The following MALRD1 variants were observed in gnomAD, a reference collection of about 807,000 sequenced individuals.
MALRD1 encodes MAM and LDL receptor class A domain containing 1.
A neutral mutation model predicts 242.1 loss-of-function variants in MALRD1; 247 were observed. That is an observed-to-expected ratio of 1.02 (90% CI 0.92 to 1.13). MALRD1 has a LOEUF of 1.13. Ranked by LOEUF, MALRD1 falls within the 50% of genes most tolerant of loss-of-function variation. The pLI, the probability that MALRD1 is intolerant of heterozygous loss-of-function variation, is 0.00. For missense variants in MALRD1, 2,989 were observed against 2,533.1 expected (o/e 1.18, Z -3.86); for synonymous variants, 995 against 866.6 (o/e 1.15, Z -2.60).
At chr10:19,185,870 T>A (rs185460326) in intron 14 of MALRD1, among the ~76,000 whole-genome samples, 2 of 151,742 alleles carry the variant, frequency 1.3e-5, no homozygotes, top group African/African-American at 4.8e-5. Context: ...GACTACTTTT[T>A]TCAGTGTATT....
intron 31 of MALRD1, among the ~76,000 whole-genome samples, chr10:19,520,705 AT>A (rs141655257): frequency 0.2 from 30,424 of 151,768 alleles, 4,606 homozygotes; most frequent in African/African-American, 0.43. Context: ...TGTTTCTTTT[AT>A]TTTTTTTCTG....
chr10:19,319,698 G>A (rs182499630), intron 21 of MALRD1, among the ~76,000 whole-genome samples: 3 of 152,094 alleles, frequency 2.0e-5, no homozygotes, highest in East Asian at 1.9e-4. Flanking sequence ...GTTTCCTCAC[G>A]CGGTAGAAGG....
chr10:19,658,007 A>T (rs1351860683), intron 36 of MALRD1, among the ~76,000 whole-genome samples: 1 of 151,822 alleles, frequency 6.6e-6, no homozygotes, highest in Non-Finnish European at 1.5e-5. Context: ...AATTAGCCAG[A>T]CATGGTGGTG....
intron 10 of MALRD1, among the ~76,000 whole-genome samples, chr10:19,141,577 A>G (rs1833543841): frequency 6.6e-6 from 1 of 152,018 alleles, no homozygotes; most frequent in East Asian, 1.9e-4. Flanking sequence ...ATTTGTATTT[A>G]TATATACAAT....
At chr10:19,615,960 T>A in intron 36 of MALRD1, 37 bp downstream of exon 36, 1 of 1,463,388 alleles carries the variant, frequency 6.8e-7, no homozygotes. Flanking sequence ...TTTAAGATTT[T>A]TTGGAGTTGG....
intron 28 of MALRD1, among the ~76,000 whole-genome samples, chr10:19,405,157 T>C (rs1847035325): frequency 6.6e-6 from 1 of 152,152 alleles, no homozygotes; most frequent in Non-Finnish European, 1.5e-5. Context: ...TATTTCTTAA[T>C]TTGGTAAGAA....
intron 21 of MALRD1, among the ~76,000 whole-genome samples, chr10:19,311,149 G>A (rs1588891471): frequency 6.6e-6 from 1 of 151,388 alleles, no homozygotes; most frequent in Non-Finnish European, 1.5e-5. Context: ...GATAAAATTA[G>A]TTCTCTTTTC....
chr10:19,362,476 G>A (rs1345900746), intron 26 of MALRD1, among the ~76,000 whole-genome samples: 1 of 152,118 alleles, frequency 6.6e-6, no homozygotes, highest in Non-Finnish European at 1.5e-5. Flanking sequence ...GAGCAGACTT[G>A]AAGGAGATAT....
At chr10:19,165,281 TTTTTGTTTTG>T (rs760593217) in intron 12 of MALRD1, among the ~76,000 whole-genome samples, 94 of 95,660 alleles carry the variant, frequency 9.8e-4, no homozygotes, top group East Asian at 6.0e-3. Context: ...TTTTGTTTTG[TTTTTGTTTTG>T]TTTTGTTTTG....
chr10:19,168,352 G>C (rs1834787716), intron 13 of MALRD1, among the ~76,000 whole-genome samples: 2 of 152,150 alleles, frequency 1.3e-5, no homozygotes, highest in South Asian at 4.1e-4. Flanking sequence ...ATATTCTATA[G>C]AAAATTGTTT....
chr10:19,258,501 A>G (rs796745924), intron 19 of MALRD1, among the ~76,000 whole-genome samples: 11 of 152,274 alleles, frequency 7.2e-5, no homozygotes, highest in African/African-American at 2.6e-4. Flanking sequence ...CCCTGGAGTG[A>G]TCAGAGGCTG....
intron 24 of MALRD1, among the ~76,000 whole-genome samples, chr10:19,332,022 C>T (rs1287206278): frequency 3.3e-5 from 5 of 151,978 alleles, no homozygotes; most frequent in Non-Finnish European, 7.4e-5. Flanking sequence ...CCTGCCACCA[C>T]GCCCAGCTAT....
intron 24 of MALRD1, among the ~76,000 whole-genome samples, chr10:19,331,883 T>C (rs1389089126): frequency 6.6e-6 from 1 of 152,188 alleles, no homozygotes; most frequent in Non-Finnish European, 1.5e-5. Context: ...AAGTGGTTTT[T>C]TTGAGACGGA....
chr10:19,074,592 C>T (rs1835259532), intron 2 of MALRD1, among the ~76,000 whole-genome samples: 1 of 144,766 alleles, frequency 6.9e-6, no homozygotes, highest in Non-Finnish European at 1.5e-5. Context: ...TAGTTGACAA[C>T]TTAGATACTT....
chr10:19,429,714 C>G (rs897133375), intron 28 of MALRD1, among the ~76,000 whole-genome samples: 7 of 152,136 alleles, frequency 4.6e-5, no homozygotes, highest in Non-Finnish European at 1.0e-4. Context: ...GTTCAATTAT[C>G]TTCATCTAAT....
chr10:19,383,389 A>G (rs964525046), intron 26 of MALRD1, among the ~76,000 whole-genome samples: 2 of 152,032 alleles, frequency 1.3e-5, no homozygotes, highest in East Asian at 1.9e-4. Context: ...ATCTCATTCT[A>G]TTTTATAGTT....
In MALRD1 at chr10:19,541,039, T is replaced by C. The variant is rs190028994; in HGVS notation, c.5478+9688T>C. 2.1e-3 allele frequency among the ~76,000 whole-genome samples: 314 copies of C among 152,312 alleles called. 2 individuals are homozygous for C. The highest frequency in any genetic ancestry group is 6.2e-3 in the African/African-American group (258 of 41,576). ...ACATATGCTTAAGGCAATAGAAACATCAGGCCTTTTTATTGTATTTCTTTT... is the reference window on the plus strand; with the variant it reads ...ACATATGCTTAAGGCAATAGAAACACCAGGCCTTTTTATTGTATTTCTTTT... On this transcript the variant is annotated intron_variant, in intron 32 of 39. Transcript: ENST00000454679.
Position 19,331,513 on chromosome 10 carries a change from G to T in MALRD1, c.3832G>T (p.Ala1278Ser). 1 of 1,550,296 alleles carries T rather than the reference G, an allele frequency of 6.5e-7. No individual in the cohort carries two copies. Among genetic ancestry groups the T allele is most frequent in the Non-Finnish European group, 8.7e-7 (1 of 1,146,798 alleles). Reference sequence around the variant, plus strand: ...CATGTGTGCTAATAAGCACTGCATTGCCAAAGACAAGCTGTGTGATTTTGT... The same window carrying T: ...CATGTGTGCTAATAAGCACTGCATTTCCAAAGACAAGCTGTGTGATTTTGT... Reference protein sequence around the residue: ...EFMCANKHCIAKDKLCDFVND... With the variant: ...EFMCANKHCISKDKLCDFVND... The change falls in exon 24 of 40, where the codon GCC becomes TCC. Residue 1278 changes from alanine (A) to serine (S), a missense_variant. Transcript: ENST00000454679.
rs989933100 is a variant in MALRD1 at position 19,582,229 on chromosome 10, A to C, written c.5681-12965A>C. Among the ~76,000 whole-genome samples, 290 of 152,148 alleles carry C rather than the reference A, an allele frequency of 1.9e-3. 2 individuals are homozygous for C. The highest frequency in any genetic ancestry group is 6.8e-3 in the African/African-American group (283 of 41,496). Reference sequence around the variant, plus strand: ...TGTGCAGAAGCTCTTTAGTTTAATTAGATCCCATTTGCCAATTTTGTCTTT... The same window carrying C: ...TGTGCAGAAGCTCTTTAGTTTAATTCGATCCCATTTGCCAATTTTGTCTTT... On this transcript the variant is annotated intron_variant, in intron 33 of 39. Transcript: ENST00000454679.
Sources: gnomAD v4.1 joint callset for allele counts (sites outside exome capture counted in the v4.1 genomes callset) on GRCh38, gnomAD v4.1.1 for gene constraint, MANE v1.5 for transcripts, NCBI Gene and HGNC (gene_info 2026-07-23, HGNC 2026-07-21) for gene names.